ERP27: variants seen among roughly 807,000 people sequenced by gnomAD.
The protein encoded by ERP27 is endoplasmic reticulum resident protein 27.
In ERP27, 23 loss-of-function variants were observed where a neutral mutation model predicts 27.7. The observed-to-expected ratio is 0.83, with a 90% CI of 0.60 to 1.18. ERP27 has a LOEUF of 1.18. Ranked by LOEUF, ERP27 falls within the 50% of genes most tolerant of loss-of-function variation. The pLI is 0.00. For missense variants in ERP27, 363 were observed against 327.9 expected (o/e 1.11, Z -0.83); for synonymous variants, 159 against 118.3 (o/e 1.34, Z -2.23).
chr12:14,927,948 T>C (rs919724877), intron 3 of ERP27, among the ~76,000 whole-genome samples: 2 of 152,136 alleles, frequency 1.3e-5, no homozygotes, highest in African/African-American at 4.8e-5. Flanking sequence ...TTGTTCTCAG[T>C]TTTCTATTTC....
At chr12:14,930,853 A>G (rs973571261) in intron 3 of ERP27, among the ~76,000 whole-genome samples, 1 of 152,224 alleles carries the variant, frequency 6.6e-6, no homozygotes, top group East Asian at 1.9e-4. Flanking sequence ...GTAAATTTAG[A>G]CAATATATAA....
At chr12:14,916,008 T>G (rs114324100) in intron 5 of ERP27, among the ~76,000 whole-genome samples, 2,273 of 139,088 alleles carry the variant, frequency 0.016, 44 homozygotes, top group African/African-American at 0.056. Context: ...ACAGACACTG[T>G]GGTCTACTTG....
chr12:14,924,590 C>T (rs1320099465), intron 3 of ERP27, among the ~76,000 whole-genome samples: 1 of 152,086 alleles, frequency 6.6e-6, no homozygotes, highest in Admixed American at 6.5e-5. Flanking sequence ...GAGGTGATAT[C>T]TTATTGTGGT....
At chr12:14,925,547 A>G (rs1238908270) in intron 3 of ERP27, among the ~76,000 whole-genome samples, 1 of 152,128 alleles carries the variant, frequency 6.6e-6, no homozygotes, top group African/African-American at 2.4e-5. Context: ...ACTATTAGTT[A>G]TTTAGAAGTG....
chr12:14,923,492 A>AATCAATCTATCT (rs1555098901), intron 3 of ERP27, among the ~76,000 whole-genome samples: 265 of 141,230 alleles, frequency 1.9e-3, no homozygotes, highest in African/African-American at 4.2e-3. Context: ...ATCTATAATC[A>AATCAATCTATCT]ATCTATCTAT....
At position 14,938,495 on chromosome 12, in the gene ERP27, G is replaced by A. The variant is rs780067064; in HGVS notation, c.14C>T (p.Pro5Leu). MEAA[P>L]SRFMFLLFLL... ...AAATAAGAGGAACATGAACCTGGAC[G>A]GGGCAGCTTCCATTGTCCCTCTCCT... The change falls in exon 1 of 7, where the codon CCG (proline) becomes CTG (leucine). Residue 5 changes from proline (P) to leucine (L), a missense_variant. Transcript: ENST00000266397. 4.0e-5 allele frequency: 64 copies of A among 1,612,028 alleles called. No homozygotes were observed. Among genetic ancestry groups the A allele is most frequent in the Non-Finnish European group, 5.2e-5 (61 of 1,179,118 alleles).
chr12:14,924,961 C>T (rs891449303), intron 3 of ERP27, among the ~76,000 whole-genome samples: 2 of 152,200 alleles, frequency 1.3e-5, no homozygotes, highest in Non-Finnish European at 2.9e-5. Flanking sequence ...CAGTTTACAA[C>T]TGCCATGGCA....
chr12:14,938,191 C>T (rs1863800667), intron 1 of ERP27, 139 bp from the exon 2 acceptor site: 1 of 797,154 alleles, frequency 1.3e-6, no homozygotes, highest in African/African-American at 1.7e-5. Flanking sequence ...CATTCCAAGG[C>T]ATAATATTTT....
intron 2 of ERP27, among the ~76,000 whole-genome samples, chr12:14,936,629 C>T (rs1863777673): frequency 1.3e-5 from 2 of 152,096 alleles, no homozygotes. Flanking sequence ...AGGGTGGGAC[C>T]AGGTGGCAGT....
chr12:14,925,192 A>G (rs1274376281), intron 3 of ERP27, among the ~76,000 whole-genome samples: 2 of 152,214 alleles, frequency 1.3e-5, no homozygotes, highest in African/African-American at 2.4e-5. Context: ...GCAAGATCCA[A>G]TAACCCTCTC....
At position 14,914,106 on chromosome 12, in the gene ERP27, A is replaced by C. The variant is rs904958632; in HGVS notation, c.*629T>G. 2.0e-5 allele frequency: 3 copies of C among 152,258 alleles called. No individual in the cohort carries two copies. Among genetic ancestry groups the C allele is most frequent in the Non-Finnish European group, 4.4e-5 (3 of 68,054 alleles). 9.4% of individuals were successfully genotyped at this position (152,258 alleles called of 1,614,324 possible). ...ATTTACATAGGGAGTTGGAGATGCT[A>C]ACCAAGCATGGAGTTTTCACATGGT... On this transcript the variant is annotated 3_prime_UTR_variant, in exon 7 of 7. Coordinates refer to ENST00000266397, the MANE Select transcript of ERP27 (RefSeq NM_152321.4).
chr12:14,918,319 T>G (rs1355361320), intron 4 of ERP27, among the ~76,000 whole-genome samples: 1 of 152,174 alleles, frequency 6.6e-6, no homozygotes, highest in East Asian at 1.9e-4. Flanking sequence ...ATCTCAAATG[T>G]GGTTGAACCA....
chr12:14,929,571 T>C (rs1275327931), intron 3 of ERP27, among the ~76,000 whole-genome samples: 4 of 152,176 alleles, frequency 2.6e-5, no homozygotes, highest in Admixed American at 2.6e-4. Context: ...TTACTTAAAA[T>C]ATCATATTTT....
At chr12:14,928,842 C>T (rs1863652462) in intron 3 of ERP27, 1 of 1,184,368 alleles carries the variant, frequency 8.4e-7, no homozygotes, top group Non-Finnish European at 1.2e-6. Flanking sequence ...CCACCTCCTT[C>T]CCCTTCCCTT....
At chr12:14,928,382 C>T (rs1163776010) in intron 3 of ERP27, among the ~76,000 whole-genome samples, 1 of 152,184 alleles carries the variant, frequency 6.6e-6, no homozygotes, top group African/African-American at 2.4e-5. Context: ...CACCTCTTTT[C>T]TTCAAGAGGG....
At chr12:14,923,532 T>TATCTATCTATC (rs1555098952) in intron 3 of ERP27, among the ~76,000 whole-genome samples, 2 of 151,774 alleles carry the variant, frequency 1.3e-5, no homozygotes, top group Non-Finnish European at 1.5e-5. Context: ...TCTATCTATC[T>TATCTATCTATC]ATCTATATTA....
intron 2 of ERP27, 73 bp downstream of exon 2, chr12:14,937,879 G>A: frequency 1.6e-6 from 2 of 1,258,488 alleles, no homozygotes; most frequent in Non-Finnish European, 1.1e-6. Flanking sequence ...TCTGCCAGCA[G>A]CAGGTGGCTG....
At chr12:14,923,586 G>A (rs1317631841) in intron 3 of ERP27, among the ~76,000 whole-genome samples, 2 of 151,492 alleles carry the variant, frequency 1.3e-5, no homozygotes, top group South Asian at 2.1e-4. Flanking sequence ...CAGAGAAACA[G>A]AAAAACAGAA....
intron 3 of ERP27, among the ~76,000 whole-genome samples, chr12:14,923,492 A>AATCAATCTATCTATCT (rs1555098901): frequency 5.0e-5 from 7 of 141,232 alleles, no homozygotes; most frequent in African/African-American, 1.1e-4. Context: ...ATCTATAATC[A>AATCAATCTATCTATCT]ATCTATCTAT....
Sources: gnomAD v4.1 joint callset for allele counts (sites outside exome capture counted in the v4.1 genomes callset) on GRCh38, gnomAD v4.1.1 for gene constraint, MANE v1.5 for transcripts, NCBI Gene and HGNC (gene_info 2026-07-23, HGNC 2026-07-21) for gene names.